ASTN1: variants seen among roughly 807,000 people sequenced by gnomAD.
ASTN1 encodes astrotactin-1.
Under a neutral mutation model 140.7 loss-of-function variants are expected in ASTN1, and 41 were observed. The observed-to-expected ratio is 0.29, with a 90% CI of 0.23 to 0.38. The LOEUF (loss-of-function observed/expected upper bound fraction) is 0.38, where lower values mean the gene tolerates loss of function less well. Among genes scored for constraint, ASTN1 ranks in the 10% least tolerant of loss-of-function variants. ASTN1 has a pLI of 1.00. For missense variants in ASTN1, 1,479 were observed against 1,678.8 expected (o/e 0.88, Z 2.08); for synonymous variants, 640 against 652.2 (o/e 0.98, Z 0.29).
At chr1:176,918,963 C>T (rs1670615987) in intron 16 of ASTN1, among the ~76,000 whole-genome samples, 1 of 152,200 alleles carries the variant, frequency 6.6e-6, no homozygotes, top group African/African-American at 2.4e-5. Context: ...GACACCTGTC[C>T]TCTGGCTCAC....
chr1:176,962,702 C>G (rs1300670478), intron 9 of ASTN1, among the ~76,000 whole-genome samples: 1 of 152,166 alleles, frequency 6.6e-6, no homozygotes, highest in African/African-American at 2.4e-5. Flanking sequence ...GTTAGAATCA[C>G]CATGATGCTT....
chr1:177,077,632 A>G (rs1039251125), intron 1 of ASTN1, among the ~76,000 whole-genome samples: 1 of 152,326 alleles, frequency 6.6e-6, no homozygotes, highest in African/African-American at 2.4e-5. Context: ...ATTAATTTCC[A>G]GTCATTCCTC....
At chr1:176,959,416 A>G (rs1672558279) in intron 9 of ASTN1, among the ~76,000 whole-genome samples, 2 of 152,022 alleles carry the variant, frequency 1.3e-5, no homozygotes, top group Admixed American at 6.6e-5. Context: ...GTACAGCACC[A>G]TTTCAGAATC....
At chr1:177,085,670 C>T (rs1679429826) in intron 1 of ASTN1, among the ~76,000 whole-genome samples, 1 of 152,174 alleles carries the variant, frequency 6.6e-6, no homozygotes, top group African/African-American at 2.4e-5. Context: ...ACAACCCCTG[C>T]CTGCCAGGGT....
chr1:176,887,050 C>G (rs747462070), intron 18 of ASTN1, among the ~76,000 whole-genome samples: 5 of 152,162 alleles, frequency 3.3e-5, no homozygotes, highest in Non-Finnish European at 7.3e-5. Context: ...TTCTCAGACA[C>G]CTTTGTAGCA....
At chr1:177,084,547 C>G (rs1679333466) in intron 1 of ASTN1, among the ~76,000 whole-genome samples, 1 of 152,020 alleles carries the variant, frequency 6.6e-6, no homozygotes, top group Non-Finnish European at 1.5e-5. Flanking sequence ...AAGATTTTTT[C>G]ATTTCTTCAC....
At chr1:177,146,892 A>G (rs368552999) in intron 1 of ASTN1, among the ~76,000 whole-genome samples, 221 of 152,154 alleles carry the variant, frequency 1.5e-3, no homozygotes, top group African/African-American at 5.0e-3. Flanking sequence ...AAACAATCTC[A>G]CTTTAGCTTG....
At chr1:177,084,731 A>G (rs1438932579) in intron 1 of ASTN1, among the ~76,000 whole-genome samples, 1 of 152,116 alleles carries the variant, frequency 6.6e-6, no homozygotes. Context: ...GGCTTGGTCT[A>G]AAATAATGAT....
chr1:176,937,232 T>A (rs1671488377), intron 14 of ASTN1, among the ~76,000 whole-genome samples: 1 of 152,216 alleles, frequency 6.6e-6, no homozygotes, highest in Non-Finnish European at 1.5e-5. Flanking sequence ...TTGTGTTCAG[T>A]ATTTAAGTTT....
intron 16 of ASTN1, among the ~76,000 whole-genome samples, chr1:176,910,979 A>G (rs549635092): frequency 6.6e-6 from 1 of 152,318 alleles, no homozygotes; most frequent in South Asian, 2.1e-4. Flanking sequence ...CTGTCCATGG[A>G]AAAATTGTCT....
Position 177,020,605 on chromosome 1 carries a change from C to A in ASTN1, c.1438+2799G>T, listed in dbSNP as rs896159252. On this transcript the variant is annotated intron_variant, in intron 7 of 22. Transcript: ENST00000361833. The stretch of plus-strand genomic sequence containing the variant: ...CCCTGTTTTAAAGCCAGTTGTTTAG[C>A]AACCTCCATTCCATATGCATCACTA... 7.2e-5 allele frequency among the ~76,000 whole-genome samples: 11 copies of A among 152,226 alleles called. No homozygotes were observed. The South Asian group carries it at 2.1e-3, about 29-fold the overall frequency.
chr1:177,000,682 T>C (rs1479953630), intron 8 of ASTN1, among the ~76,000 whole-genome samples: 1 of 152,188 alleles, frequency 6.6e-6, no homozygotes, highest in Non-Finnish European at 1.5e-5. Flanking sequence ...TCTTTATTGC[T>C]CCAAAGGACG....
chr1:177,081,234 G>A (rs1679165638), intron 1 of ASTN1, among the ~76,000 whole-genome samples: 1 of 152,194 alleles, frequency 6.6e-6, no homozygotes, highest in Admixed American at 6.5e-5. Flanking sequence ...TTGATCACTG[G>A]TGGGCTATGT....
At chr1:177,119,566 G>A (rs1440895921) in intron 1 of ASTN1, among the ~76,000 whole-genome samples, 1 of 152,176 alleles carries the variant, frequency 6.6e-6, no homozygotes, top group Non-Finnish European at 1.5e-5. Context: ...GAAATGCAAA[G>A]TGTATTTTGG....
chr1:177,106,294 C>T (rs1680541653), intron 1 of ASTN1, among the ~76,000 whole-genome samples: 1 of 152,062 alleles, frequency 6.6e-6, no homozygotes, highest in African/African-American at 2.4e-5. Context: ...ACAAATGTAT[C>T]CTTTATATTC....
intron 2 of ASTN1, among the ~76,000 whole-genome samples, chr1:177,049,266 AAT>A (rs1677412108): frequency 6.6e-6 from 1 of 152,154 alleles, no homozygotes; most frequent in African/African-American, 2.4e-5. Context: ...TGGGTGTGCC[AAT>A]TGCTGTTAAA....
chr1:176,893,678 C>G (rs1021494499), intron 17 of ASTN1, among the ~76,000 whole-genome samples: 6 of 152,218 alleles, frequency 3.9e-5, no homozygotes, highest in African/African-American at 1.4e-4. Flanking sequence ...ACCTCTCAGG[C>G]AGGTAAGCAG....
At chr1:177,150,760 T>C (rs1682997480) in intron 1 of ASTN1, among the ~76,000 whole-genome samples, 1 of 152,158 alleles carries the variant, frequency 6.6e-6, no homozygotes, top group Admixed American at 6.6e-5. Context: ...GAAAGCTGAA[T>C]GTGTTGTGTA....
chr1:176,949,980 C>T (rs1470271502), intron 11 of ASTN1, among the ~76,000 whole-genome samples: 1 of 152,204 alleles, frequency 6.6e-6, no homozygotes, highest in Non-Finnish European at 1.5e-5. Context: ...AGGGTACCTA[C>T]TATATGGTCA....
Sources: gnomAD v4.1 joint callset for allele counts (sites outside exome capture counted in the v4.1 genomes callset) on GRCh38, gnomAD v4.1.1 for gene constraint, MANE v1.5 for transcripts, NCBI Gene and HGNC (gene_info 2026-07-23, HGNC 2026-07-21) for gene names.